The following TRIP13 variants were observed in gnomAD, a reference collection of about 807,000 sequenced individuals.
TRIP13 encodes thyroid hormone receptor interactor 13.
In TRIP13, 25 loss-of-function variants were observed where a neutral mutation model predicts 54.4. The ratio of observed to expected loss-of-function variants is 0.46; its 90% CI spans 0.33 to 0.64. The LOEUF (loss-of-function observed/expected upper bound fraction) is 0.64. TRIP13 is among the 30% of genes least tolerant of loss of function. The pLI is 0.02. For synonymous variants in TRIP13, 207 were observed against 207.8 expected (o/e 1.00, Z 0.03); for missense variants, 373 against 534.2 (o/e 0.70, Z 2.97).
At chr5:893,432 G>T (rs1385313312) in intron 1 of TRIP13, among the ~76,000 whole-genome samples, 1 of 152,246 alleles carries the variant, frequency 6.6e-6, no homozygotes, top group Non-Finnish European at 1.5e-5. Flanking sequence ...TGAGTCCCAC[G>T]TTGGAGAATA....
In TRIP13 at chr5:908,475, G is replaced by A. The variant is rs79236992; in HGVS notation, c.866+14G>A. 4.0e-3 allele frequency: 6,518 copies of A among 1,613,128 alleles called. 182 individuals carry two copies. The Admixed American group carries it at 0.048, about 12-fold the overall frequency. On this transcript the variant is annotated intron_variant, in intron 9 of 12. Coordinates refer to ENST00000166345, the MANE Select transcript of TRIP13 (RefSeq NM_004237.4). This position sits in a 1 kb window ranked among gnomAD's most constrained non-coding sequence, Gnocchi z 5.2. ...TCAGATTAAAAGGTAACCAGGACAT[G>A]CAGCAATTTTCCCTGAGAAGTGATG...
chr5:901,233 C>T (rs2063388223), intron 4 of TRIP13, 108 bp from the exon 5 acceptor site: 2 of 948,584 alleles, frequency 2.1e-6, no homozygotes, highest in East Asian at 2.6e-5. Context: ...GCCTCGCTCC[C>T]TGTGCTCCCT....
intron 1 of TRIP13, chr5:893,673 G>C (rs894611199): frequency 2.5e-5 from 4 of 160,458 alleles, no homozygotes; most frequent in Admixed American, 6.4e-5. Flanking sequence ...GGCGGGGCCA[G>C]ACCTTCACAG....
At chr5:910,146 A>G (rs1323822287) in intron 9 of TRIP13, among the ~76,000 whole-genome samples, 3 of 152,146 alleles carry the variant, frequency 2.0e-5, no homozygotes, top group African/African-American at 7.2e-5. Flanking sequence ...GTCTACTGCA[A>G]TCTGGCTCCT....
In TRIP13 at chr5:912,554, G is replaced by A. The variant is rs1047597671; in HGVS notation, c.1020+558G>A. Among the ~76,000 whole-genome samples, 4 of 144,876 alleles carry A rather than the reference G, an allele frequency of 2.8e-5. No individual in the cohort carries two copies. The highest frequency in any genetic ancestry group is 3.9e-4 in the East Asian group (2 of 5,116). On this transcript the variant is annotated intron_variant, in intron 10 of 12. Transcript: ENST00000166345. This position sits in a 1 kb window ranked among gnomAD's most constrained non-coding sequence, Gnocchi z 7.2. The stretch of plus-strand genomic sequence containing the variant: ...GGGCAGAGCGACGCGTGCGGGGAGC[G>A]TGTGTGAGTCAGGAGGGCCGTCGCC...
In TRIP13 at chr5:910,138, C is replaced by T. The variant is rs532443382; in HGVS notation, c.866+1677C>T. Among the ~76,000 whole-genome samples, 6 of 152,346 alleles carry T rather than the reference C, an allele frequency of 3.9e-5. No homozygotes were observed. In the East Asian group the frequency reaches 1.2e-3, roughly 29 times the overall value. On this transcript the variant is annotated intron_variant, in intron 9 of 12. Transcript: ENST00000166345. ...TTCCCCACCTGGCTTGTCTCTCAGT[C>T]TACTGCAATCTGGCTCCTGCCCCCG...
chr5:905,536 A>C (rs1754097886), intron 6 of TRIP13, among the ~76,000 whole-genome samples: 1 of 152,124 alleles, frequency 6.6e-6, no homozygotes, highest in Non-Finnish European at 1.5e-5. Context: ...GCTGTGCTCC[A>C]CTTGGGCTCC....
chr5:901,411 A>G lies in TRIP13; in HGVS notation c.515A>G (p.Asn172Ser), dbSNP rs761760940. Residue 172 changes from asparagine (N) to serine (S), a missense_variant, in exon 5 of 13, where the codon AAC (asparagine) becomes AGC (serine). Physicochemically the swap from Asn to Ser is conservative, Grantham distance 46. Coordinates refer to ENST00000166345, the MANE Select transcript of TRIP13 (RefSeq NM_004237.4). Reference sequence around the variant, plus strand: ...GTCAACAGCAACCTCATCACCTGGAACCGGGTGGTGCTGCTCCACGGTAAA... The same window carrying G: ...GTCAACAGCAACCTCATCACCTGGAGCCGGGTGGTGCTGCTCCACGGTAAA... ...KNVNSNLITW[N>S]RVVLLHGPPG... 1.7e-5 allele frequency: 28 copies of G among 1,613,976 alleles called. No homozygotes were observed. Among genetic ancestry groups the G allele is most frequent in the Admixed American group, 6.7e-5 (4 of 60,004 alleles).
Position 907,321 on chromosome 5 carries a change from C to A in TRIP13, c.672+128C>A. The A allele has an allele frequency of 2.4e-6, 2 of 834,082 alleles. No homozygotes were observed. Among genetic ancestry groups the A allele is most frequent in the Non-Finnish European group, 1.9e-6 (1 of 520,916 alleles). 51.7% of individuals were successfully genotyped at this position (834,082 alleles called of 1,614,324 possible). A position where few individuals can be genotyped will look rare whatever the true frequency, so the allele number is the denominator to read the frequency against. On this transcript the variant is annotated intron_variant, in intron 7 of 12. Coordinates refer to ENST00000166345, the MANE Select transcript of TRIP13 (RefSeq NM_004237.4). The surrounding 1 kb of genome is among the most constrained non-coding windows in gnomAD (Gnocchi z 4.1). ...TGGGAAGGGTGTGTGAGGATTGGGG[C>A]TGACTGTGATCAGAGAAGGTTCCGG...
chr5:906,169 G>C (rs565640427), intron 6 of TRIP13, among the ~76,000 whole-genome samples: 3 of 152,242 alleles, frequency 2.0e-5, no homozygotes, highest in Middle Eastern at 6.8e-3. Context: ...CCTGGGTGAC[G>C]GGAGTGAGAC....
chr5:903,215 C>T (rs375045549), intron 5 of TRIP13, among the ~76,000 whole-genome samples: 4 of 152,240 alleles, frequency 2.6e-5, no homozygotes, highest in East Asian at 1.9e-4. Flanking sequence ...CATTAGACCA[C>T]GGTCAGCTTG....
chr5:903,006 G>A (rs1041483861), intron 5 of TRIP13, among the ~76,000 whole-genome samples: 2 of 152,192 alleles, frequency 1.3e-5, no homozygotes, highest in African/African-American at 4.8e-5. Flanking sequence ...GGAACATGAA[G>A]GCGGACTAGG....
intron 10 of TRIP13, among the ~76,000 whole-genome samples, 187 bp from the exon 11 acceptor site, chr5:914,278 G>A (rs142070533): frequency 0.011 from 1,692 of 152,266 alleles, 18 homozygotes; most frequent in Non-Finnish European, 0.013. Flanking sequence ...GAATGTGTAC[G>A]CTGAGAGGCA....
chr5:912,871 C>T lies in TRIP13; in HGVS notation c.1020+875C>T, dbSNP rs1313562743. On this transcript the variant is annotated intron_variant, in intron 10 of 12. Transcript: ENST00000166345. This position sits in a 1 kb window ranked among gnomAD's most constrained non-coding sequence, Gnocchi z 7.2. ...GGGGCCTTTGTTTAGGGTAGTTGGG[C>T]GGTAACCAAGCAAACCAGTGAATGG... Among the ~76,000 whole-genome samples, 2 of 152,162 alleles carry T rather than the reference C, an allele frequency of 1.3e-5. No homozygotes were observed. Among genetic ancestry groups the T allele is most frequent in the African/African-American group, 2.4e-5 (1 of 41,430 alleles).
rs952116831 is a variant in TRIP13, at chr5:892,930, G to A, written c.-69G>A. The A allele has an allele frequency of 4.4e-6, 6 of 1,365,192 alleles. No homozygotes were observed. Among genetic ancestry groups the A allele is most frequent in the Non-Finnish European group, 5.8e-6 (6 of 1,043,318 alleles). 84.6% of individuals were successfully genotyped at this position (1,365,192 alleles called of 1,614,324 possible). ...CCCGCGGGCTGAGGCAGCGGCTGTG[G>A]CGGCGACGCTGGGCGTGAGGTGGCG... On this transcript the variant is annotated 5_prime_UTR_variant, in exon 1 of 13. Coordinates refer to ENST00000166345, the MANE Select transcript of TRIP13 (RefSeq NM_004237.4).
In TRIP13 at chr5:908,279, A is replaced by G. The variant is rs1016666308; in HGVS notation, c.760-76A>G. On this transcript the variant is annotated intron_variant, in intron 8 of 12. Transcript: ENST00000166345. This position sits in a 1 kb window ranked among gnomAD's most constrained non-coding sequence, Gnocchi z 5.2. ...ATTCATTCATCTTTTTCACGTGCTC[A>G]GCGGGACGTATCCCCATAGCTGCCT... The G allele has an allele frequency of 6.5e-7, 1 of 1,532,186 alleles. No individual in the cohort carries two copies. Among genetic ancestry groups the G allele is most frequent in the Non-Finnish European group, 9.0e-7 (1 of 1,115,920 alleles). 94.9% of individuals were successfully genotyped at this position (1,532,186 alleles called of 1,614,324 possible). A position where few individuals can be genotyped will look rare whatever the true frequency, so the allele number is the denominator to read the frequency against.
At chr5:896,875 G>T (rs1753928792) in intron 3 of TRIP13, 81 bp downstream of exon 3, 1 of 1,439,764 alleles carries the variant, frequency 6.9e-7, no homozygotes, top group Non-Finnish European at 9.3e-7. Context: ...CACAGGGGGG[G>T]TTCTGTTTGT....
At position 901,321 on chromosome 5, in the gene TRIP13, C is replaced by T. The variant is rs756623635; in HGVS notation, c.445-20C>T. 6.8e-6 allele frequency: 11 copies of T among 1,611,454 alleles called. No homozygotes were observed. The highest frequency in any genetic ancestry group is 4.5e-5 in the East Asian group (2 of 44,852). ...GCCTTGTTGGTATCTTTGTCAAGCT[C>T]TTTTCTTTTTCTCTATCAGCTCCTC... On this transcript the variant is annotated intron_variant, in intron 4 of 12. Coordinates refer to ENST00000166345, the MANE Select transcript of TRIP13 (RefSeq NM_004237.4).
chr5:904,307 C>T (rs1249755381), intron 6 of TRIP13, 87 bp downstream of exon 6: 19 of 1,120,506 alleles, frequency 1.7e-5, no homozygotes, highest in Middle Eastern at 2.0e-4. Context: ...AATCATTTTA[C>T]GCAAATAATA....
Sources: allele counts gnomAD v4.1 joint callset (sites outside exome capture counted in the v4.1 genomes callset), GRCh38; gene constraint gnomAD v4.1.1; non-coding constraint Gnocchi (gnomAD v3.1); transcripts MANE v1.5; gene names NCBI Gene and HGNC (gene_info 2026-07-23, HGNC 2026-07-21).